The following IGSF21 variants were observed in gnomAD, a reference collection of about 807,000 sequenced individuals.
The protein encoded by IGSF21 is immunoglobulin superfamily member 21.
Under a neutral mutation model 46.8 loss-of-function variants are expected in IGSF21, and 28 were observed. That is an observed-to-expected ratio of 0.60 (90% CI 0.44 to 0.82). IGSF21 has a LOEUF of 0.82. Among genes scored for constraint, IGSF21 ranks in the 40% least tolerant of loss-of-function variants. IGSF21 has a pLI of 0.00. For synonymous variants in IGSF21, 284 were observed against 273.6 expected (o/e 1.04, Z -0.38); for missense variants, 624 against 665.5 (o/e 0.94, Z 0.69).
intron 2 of IGSF21, among the ~76,000 whole-genome samples, chr1:18,266,858 G>A (rs1327381032): frequency 6.6e-6 from 1 of 152,224 alleles, no homozygotes; most frequent in African/African-American, 2.4e-5. Flanking sequence ...AGGGAGACAA[G>A]AGGGACCACC....
chr1:18,131,858 G>A (rs145741717), intron 1 of IGSF21, among the ~76,000 whole-genome samples: 235 of 152,242 alleles, frequency 1.5e-3, no homozygotes, highest in South Asian at 3.7e-3. Flanking sequence ...ATATACAAAG[G>A]TCACTGGCCA....
Position 18,337,098 on chromosome 1 carries a change from G to C in IGSF21, c.424+2088G>C, listed in dbSNP as rs1470298267. The stretch of plus-strand genomic sequence containing the variant: ...TTGGGACACAGCCAAACCATATCAT[G>C]TATCATCAGAGGGTTGACCAGACCA... On this transcript the variant is annotated intron_variant, in intron 4 of 9. Transcript: ENST00000251296. This position sits in a 1 kb window ranked among gnomAD's most constrained non-coding sequence, Gnocchi z 5.7. Among the ~76,000 whole-genome samples the C allele has an allele frequency of 6.6e-6, 1 of 152,168 alleles. No individual in the cohort carries two copies. Among genetic ancestry groups the C allele is most frequent in the Non-Finnish European group, 1.5e-5 (1 of 68,026 alleles).
At chr1:18,162,139 A>G (rs1241815091) in intron 1 of IGSF21, among the ~76,000 whole-genome samples, 2 of 151,890 alleles carry the variant, frequency 1.3e-5, no homozygotes, top group African/African-American at 4.8e-5. Context: ...TCAACTTCCC[A>G]GGCTAGGGCG....
At chr1:18,153,651 G>A (rs1291142663) in intron 1 of IGSF21, among the ~76,000 whole-genome samples, 1 of 151,700 alleles carries the variant, frequency 6.6e-6, no homozygotes. Flanking sequence ...TCTCTACTTC[G>A]CAAATGAGGC....
At position 18,307,394 on chromosome 1, in the gene IGSF21, C is replaced by A. The variant is rs183547771; in HGVS notation, c.305+15407C>A. 1.5e-3 allele frequency among the ~76,000 whole-genome samples: 222 copies of A among 152,304 alleles called. 3 individuals carry two copies. Among genetic ancestry groups the A allele is most frequent in the Admixed American group, 0.013 (200 of 15,294 alleles). On this transcript the variant is annotated intron_variant, in intron 3 of 9. Transcript: ENST00000251296. ...ATGTTTATCAAGTTCCTAGCATATGCCCTGCTCTGCTCTAAGAACTTTACA... is the reference window on the plus strand; with the variant it reads ...ATGTTTATCAAGTTCCTAGCATATGACCTGCTCTGCTCTAAGAACTTTACA...
At chr1:18,249,489 G>A (rs1557606596) in intron 2 of IGSF21, among the ~76,000 whole-genome samples, 1 of 152,182 alleles carries the variant, frequency 6.6e-6, no homozygotes. Context: ...GAAAGGTGGT[G>A]TGGGAAGGGG....
intron 1 of IGSF21, among the ~76,000 whole-genome samples, chr1:18,176,357 CG>C (rs1248186835): frequency 6.6e-6 from 1 of 152,210 alleles, no homozygotes; most frequent in East Asian, 1.9e-4. Flanking sequence ...AGTTAAGGAA[CG>C]ATCACAGGCT....
intron 3 of IGSF21, among the ~76,000 whole-genome samples, chr1:18,294,351 C>T (rs1557629572): frequency 6.6e-6 from 1 of 151,950 alleles, no homozygotes; most frequent in Non-Finnish European, 1.5e-5. Context: ...TAAAACAAAA[C>T]AAAAAAAATT....
At chr1:18,118,451 GC>G (rs1342314968) in intron 1 of IGSF21, among the ~76,000 whole-genome samples, 2 of 152,228 alleles carry the variant, frequency 1.3e-5, no homozygotes, top group South Asian at 2.1e-4. Flanking sequence ...CCGCCCGAGT[GC>G]TCTGGTTTTG....
At chr1:18,133,891 G>A (rs943606321) in intron 1 of IGSF21, among the ~76,000 whole-genome samples, 2 of 152,218 alleles carry the variant, frequency 1.3e-5, no homozygotes, top group Non-Finnish European at 2.9e-5. Flanking sequence ...ACGGGTCAGT[G>A]ACTTCACTCC....
At chr1:18,222,637 C>T (rs1557594505) in intron 1 of IGSF21, among the ~76,000 whole-genome samples, 1 of 152,174 alleles carries the variant, frequency 6.6e-6, no homozygotes, top group Non-Finnish European at 1.5e-5. Context: ...CAGGTCGCTA[C>T]TGAATGCTAG....
intron 2 of IGSF21, among the ~76,000 whole-genome samples, chr1:18,285,423 G>A (rs1265688771): frequency 1.3e-5 from 2 of 152,140 alleles, no homozygotes; most frequent in East Asian, 1.9e-4. Context: ...GGGCCCAGAG[G>A]TGGGGTCTGG....
At chr1:18,133,923 G>A (rs926141464) in intron 1 of IGSF21, among the ~76,000 whole-genome samples, 3 of 152,220 alleles carry the variant, frequency 2.0e-5, no homozygotes, top group African/African-American at 7.2e-5. Context: ...AGCATAAAAT[G>A]AGAATAATAA....
intron 2 of IGSF21, among the ~76,000 whole-genome samples, chr1:18,282,476 G>T (rs1045420052): frequency 6.6e-5 from 10 of 152,160 alleles, no homozygotes; most frequent in Non-Finnish European, 1.3e-4. Context: ...GGAGAAGGAG[G>T]TCTCAGAGCT....
chr1:18,287,194 A>AAAT (rs60840997), intron 2 of IGSF21, among the ~76,000 whole-genome samples: 73,543 of 124,484 alleles, frequency 0.59, 22,741 homozygotes, highest in East Asian at 0.88. Flanking sequence ...AAAAAAAAAT[A>AAAT]AAATAAATAA....
At chr1:18,350,825 G>A (rs1038035895) in intron 4 of IGSF21, among the ~76,000 whole-genome samples, 18 of 152,304 alleles carry the variant, frequency 1.2e-4, no homozygotes, top group Admixed American at 5.2e-4. Context: ...GAAAGACGTG[G>A]CCACAGAGCC....
At chr1:18,265,808 A>T (rs1232449305) in intron 2 of IGSF21, among the ~76,000 whole-genome samples, 1 of 152,352 alleles carries the variant, frequency 6.6e-6, no homozygotes, top group East Asian at 1.9e-4. Context: ...TTTCCTAGGC[A>T]AGCCCGCTCC....
intron 1 of IGSF21, among the ~76,000 whole-genome samples, chr1:18,190,323 A>G (rs766524602): frequency 2.0e-5 from 3 of 151,840 alleles, no homozygotes; most frequent in Non-Finnish European, 4.4e-5. Flanking sequence ...TGTCTATCTC[A>G]TGGTCTGTTT....
chr1:18,258,067 T>C (rs549553530), intron 2 of IGSF21, among the ~76,000 whole-genome samples: 5 of 152,270 alleles, frequency 3.3e-5, no homozygotes, highest in Non-Finnish European at 5.9e-5. Context: ...GTGCAGGAGG[T>C]AGCAGCCTCT....
Sources: allele counts gnomAD v4.1 joint callset (sites outside exome capture counted in the v4.1 genomes callset), GRCh38; gene constraint gnomAD v4.1.1; non-coding constraint Gnocchi (gnomAD v3.1); transcripts MANE v1.5; gene names NCBI Gene and HGNC (gene_info 2026-07-23, HGNC 2026-07-21).